F5: variants seen among roughly 807,000 people sequenced by gnomAD.
F5 encodes the protein coagulation factor V.
A neutral mutation model predicts 216.4 loss-of-function variants in F5; 138 were observed. That is an observed-to-expected ratio of 0.64 (90% confidence interval 0.56 to 0.73). The LOEUF (loss-of-function observed/expected upper bound fraction) is 0.73. Among genes scored for constraint, F5 ranks in the 30% least tolerant of loss-of-function variants. The pLI is 0.00. For missense variants in F5, 2,403 were observed against 2,674.0 expected (o/e 0.90, Z 2.24); for synonymous variants, 916 against 930.7 (o/e 0.98, Z 0.29).
chr1:169,576,380 C>A (rs1660850765), intron 2 of F5, among the ~76,000 whole-genome samples: 1 of 152,072 alleles, frequency 6.6e-6, no homozygotes, highest in Non-Finnish European at 1.5e-5. Context: ...GTGCCTGAAG[C>A]TTTTTGTTTG....
In F5 at chr1:169,527,779, G is replaced by A; in HGVS notation, c.5599+136C>T. On this transcript the variant is annotated intron_variant, in intron 17 of 24. Coordinates refer to ENST00000367797, the MANE Select transcript of F5 (RefSeq NM_000130.5). The stretch of plus-strand genomic sequence containing the variant: ...GTATATACTTTGGGTCTATGGGTTT[G>A]CCTAGGCTCTATGCCAGAACCCTGT... The A allele has an allele frequency of 2.7e-6, 3 of 1,117,858 alleles. No homozygotes were observed. In the South Asian group the frequency reaches 4.2e-5, roughly 16 times the overall value. 69.2% of individuals were successfully genotyped at this position (1,117,858 alleles called of 1,614,324 possible). A position where few individuals can be genotyped will look rare whatever the true frequency, so the allele number is the denominator to read the frequency against.
rs1659097616 is a variant in F5, at chr1:169,514,054, G to C, written c.*259C>G. The C allele has an allele frequency of 2.2e-6, 1 of 453,520 alleles. No homozygotes were observed. Among genetic ancestry groups the C allele is most frequent in the Non-Finnish European group, 3.9e-6 (1 of 253,850 alleles). 28.1% of individuals were successfully genotyped at this position (453,520 alleles called of 1,614,324 possible). On this transcript the variant is annotated 3_prime_UTR_variant, in exon 25 of 25. Transcript: ENST00000367797. The stretch of plus-strand genomic sequence containing the variant: ...CATAGCATTTTCAATCATTAAGAAA[G>C]ATAAGCCCTTTTCTTGTTGGTTCTT...
chr1:169,585,165 G>A (rs1334054074), intron 1 of F5, among the ~76,000 whole-genome samples: 3 of 152,074 alleles, frequency 2.0e-5, no homozygotes, highest in East Asian at 1.9e-4. Flanking sequence ...TTTGAAGTAC[G>A]ATATTTAAAA....
chr1:169,519,439 A>G (rs1249338643), intron 22 of F5, among the ~76,000 whole-genome samples: 1 of 152,202 alleles, frequency 6.6e-6, no homozygotes, highest in Non-Finnish European at 1.5e-5. Flanking sequence ...AAAGAAAAAA[A>G]CGCAATGACT....
rs1659213327 is a variant in F5, at chr1:169,518,506, G to T, written c.6251C>A (p.Ala2084Asp). The T allele has an allele frequency of 6.2e-7, 1 of 1,613,884 alleles. No homozygotes were observed. ...CCACCAAGATTTCTTAAACGAAGAA[G>T]CTGTGATTTGCTTGTTTTCTATCTT... Reference protein sequence around the residue: ...NGKIENKQITASSFKKSWWGD... With the variant: ...NGKIENKQITDSSFKKSWWGD... Residue 2084 changes from alanine (A) to aspartate (D), a missense_variant, in exon 23 of 25, where the codon GCT becomes GAT. This residue lies in a region of F5 where 659 missense variants were observed against 787.9 expected (regional missense o/e 0.84). Coordinates refer to ENST00000367797, the MANE Select transcript of F5 (RefSeq NM_000130.5).
chr1:169,528,711 C>T lies in F5; in HGVS notation c.5420-617G>A, dbSNP rs148534868. On this transcript the variant is annotated intron_variant, in intron 16 of 24. Transcript: ENST00000367797. ...TCTACTCTCCCCACAGTAAAATACG[C>T]GGATTTTTTAAAAAGTTCCTGAGAA... Among the ~76,000 whole-genome samples, 362 of 152,198 alleles carry T rather than the reference C, an allele frequency of 2.4e-3. 2 individuals are homozygous for T. The highest frequency in any genetic ancestry group is 7.8e-3 in the African/African-American group (325 of 41,532).
At chr1:169,531,541 A>G (rs1571566761) in intron 14 of F5, among the ~76,000 whole-genome samples, 1 of 152,202 alleles carries the variant, frequency 6.6e-6, no homozygotes, top group Non-Finnish European at 1.5e-5. Context: ...TAGAATGAAC[A>G]GGAGCTAGAA....
intron 15 of F5, among the ~76,000 whole-genome samples, chr1:169,530,111 A>C (rs1659556585): frequency 6.6e-6 from 1 of 152,186 alleles, no homozygotes; most frequent in South Asian, 2.1e-4. Flanking sequence ...ATTTGCCTGC[A>C]ATCTCCCATT....
At chr1:169,519,043 A>G (rs887220966) in intron 22 of F5, among the ~76,000 whole-genome samples, 6 of 152,226 alleles carry the variant, frequency 3.9e-5, no homozygotes, top group Non-Finnish European at 1.5e-5. Context: ...TTCAACCCTT[A>G]GAGGGTAATT....
In F5 at chr1:169,512,456, C is replaced by T. The variant is rs145683103; in HGVS notation, c.*1857G>A. ...GGGGCTCATTGAAAAATGGAAATGT[C>T]GAATTCCTTCTTAAAAAATAAAGGA... On this transcript the variant is annotated 3_prime_UTR_variant, in exon 25 of 25. Transcript: ENST00000367797. 5.3e-5 allele frequency among the ~76,000 whole-genome samples: 8 copies of T among 152,116 alleles called. No individual in the cohort carries two copies. In the South Asian group the frequency reaches 6.2e-4, roughly 12 times the overall value.
chr1:169,517,735 T>C (rs550247841), intron 23 of F5, among the ~76,000 whole-genome samples: 1 of 152,292 alleles, frequency 6.6e-6, no homozygotes, highest in African/African-American at 2.4e-5. Flanking sequence ...ACTGATTTTA[T>C]AACTCTGGTT....
At chr1:169,569,865 T>A (rs1430399740) in intron 3 of F5, among the ~76,000 whole-genome samples, 1 of 152,020 alleles carries the variant, frequency 6.6e-6, no homozygotes, top group Non-Finnish European at 1.5e-5. Flanking sequence ...TGTAACTGGC[T>A]CAGCATGCAG....
chr1:169,547,072 A>G (rs553352249), intron 10 of F5, among the ~76,000 whole-genome samples: 1 of 152,182 alleles, frequency 6.6e-6, no homozygotes, highest in African/African-American at 2.4e-5. Flanking sequence ...GGGCCGAGGC[A>G]GGAGAATCAC....
intron 10 of F5, among the ~76,000 whole-genome samples, chr1:169,547,591 G>A (rs767576503): frequency 8.5e-5 from 13 of 152,088 alleles, no homozygotes; most frequent in Non-Finnish European, 8.8e-5. Flanking sequence ...TGAAAAAAAC[G>A]CTCAACATCA....
rs140890754 is a variant in F5, at chr1:169,577,950, A to T, written c.250+4481T>A. On this transcript the variant is annotated intron_variant, in intron 2 of 24. Transcript: ENST00000367797. ...ATGACTTTTTCAGGGCTCAGCTAGA[A>T]TCACACCCAGCAGATGAGTGGAGCA... Among the ~76,000 whole-genome samples the T allele has an allele frequency of 2.3e-3, 343 of 152,242 alleles. 2 individuals are homozygous for T. Among genetic ancestry groups the T allele is most frequent in the South Asian group, 8.5e-3 (41 of 4,818 alleles).
At chr1:169,534,960 T>A (rs1471267867) in intron 14 of F5, among the ~76,000 whole-genome samples, 1 of 152,146 alleles carries the variant, frequency 6.6e-6, no homozygotes, top group Non-Finnish European at 1.5e-5. Flanking sequence ...ATGTTCTCAC[T>A]TATAAGTGGG....
rs1659879031 is a variant in F5 at position 169,542,361 on chromosome 1, A to G, written c.2729T>C (p.Leu910Pro). 1 of 1,613,450 alleles carries G rather than the reference A, an allele frequency of 6.2e-7. No homozygotes were observed. Among genetic ancestry groups the G allele is most frequent in the Non-Finnish European group, 8.5e-7 (1 of 1,179,592 alleles). ...SPSGMRPWEDLPSQDTGSPSR... is the reference protein window; with the variant it reads ...SPSGMRPWEDPPSQDTGSPSR... ...AGGAGAACCAGTGTCTTGGCTAGGA[A>G]GGTCCTCCCAGGGCCTCATTCCGGA... The change falls in exon 13 of 25, where the codon CTT becomes CCT. Residue 910 changes from leucine to proline, a missense_variant. By Grantham distance (98) the Leu-to-Pro change is moderately conservative. Around this residue, in one of 4 missense-constraint regions of F5, gnomAD observed 1,425 missense variants for 1,554.8 expected, o/e 0.92. Coordinates refer to ENST00000367797, the MANE Select transcript of F5 (RefSeq NM_000130.5).
chr1:169,580,300 G>A (rs1267838650), intron 2 of F5, among the ~76,000 whole-genome samples: 2 of 151,922 alleles, frequency 1.3e-5, no homozygotes, highest in African/African-American at 4.8e-5. Context: ...ATTGGCTCCT[G>A]GAAATCAAGG....
intron 11 of F5, 65 bp from the exon 12 acceptor site, chr1:169,544,573 A>G: frequency 7.7e-7 from 1 of 1,303,738 alleles, no homozygotes. Flanking sequence ...GTCTAATTAT[A>G]CCTAAGATAA....
Sources: gnomAD v4.1 joint callset for allele counts (sites outside exome capture counted in the v4.1 genomes callset) on GRCh38, gnomAD v4.1.1 for gene constraint, gnomAD v4.1.1 regional missense constraint, MANE v1.5 for transcripts, NCBI Gene and HGNC (gene_info 2026-07-23, HGNC 2026-07-21) for gene names.